The following WDR38 variants were observed in gnomAD, a reference collection of about 807,000 sequenced individuals.
WDR38 encodes the protein WD repeat-containing protein 38.
In WDR38, 37 loss-of-function variants were observed where a neutral mutation model predicts 36.6. That is an observed-to-expected ratio of 1.01 (90% CI 0.78 to 1.33). The LOEUF is 1.33. WDR38 is among the 40% of genes most tolerant of loss of function. The pLI, the probability that WDR38 is intolerant of heterozygous loss-of-function variation, is 0.00. For missense variants in WDR38, 411 were observed against 414.6 expected (o/e 0.99, Z 0.07); for synonymous variants, 164 against 168.1 (o/e 0.98, Z 0.19).
At position 124,857,549 on chromosome 9, in the gene WDR38, A is replaced by T; in HGVS notation, c.864A>T (p.Lys288Asn). 6.2e-7 allele frequency: 1 copy of T among 1,614,124 alleles called. No homozygotes were observed. The highest frequency in any genetic ancestry group is 8.5e-7 in the Non-Finnish European group (1 of 1,180,022). ...AHTCAFTPDG[K>N]ILVSGAADQT... is the part of the protein sequence containing the mutation. ...CCTGTGCCTTCACCCCAGATGGGAA[A>T]ATCTTAGTGTCTGGAGCTGCCGATC... Residue 288 changes from lysine (K) to asparagine (N), a missense_variant, in exon 9 of 9, where the codon AAA (lysine) becomes AAT (asparagine). Coordinates refer to ENST00000373574, the MANE Select transcript of WDR38 (RefSeq NM_001045476.3).
intron 1 of WDR38, among the ~76,000 whole-genome samples, chr9:124,853,871 ACT>A (rs1828974166): frequency 6.6e-6 from 1 of 151,816 alleles, no homozygotes; most frequent in Admixed American, 6.6e-5. Context: ...CTCCCTGCTG[ACT>A]CTGGTGTTTT....
rs769094587 is a variant in WDR38, at chr9:124,857,571, G to A, written c.886G>A (p.Asp296Asn). 8.7e-6 allele frequency: 14 copies of A among 1,614,130 alleles called. No individual in the cohort carries two copies. The highest frequency in any genetic ancestry group is 1.1e-5 in the Non-Finnish European group (13 of 1,180,036). The change falls in exon 9 of 9, where the codon GAT (aspartate) becomes AAT (asparagine). Residue 296 changes from aspartate to asparagine, a missense_variant. Physicochemically the swap from Asp to Asn is conservative, Grantham distance 23. Transcript: ENST00000373574. Reference protein sequence around the residue: ...DGKILVSGAADQTRRQISRTS... With the variant: ...DGKILVSGAANQTRRQISRTS... ...GAAAATCTTAGTGTCTGGAGCTGCC[G>A]ATCAGACTAGACGTCAAATATCCCG...
At chr9:124,857,316 C>T (rs377603757) in intron 7 of WDR38, 48 bp from the exon 8 acceptor site, 3 of 1,607,240 alleles carry the variant, frequency 1.9e-6, no homozygotes, top group Non-Finnish European at 2.5e-6. Context: ...GCTTCAGATG[C>T]CACAGTGGCC....
intron 4 of WDR38, 132 bp downstream of exon 4, chr9:124,856,090 G>A: frequency 2.0e-6 from 3 of 1,517,928 alleles, no homozygotes; most frequent in Non-Finnish European, 2.7e-6. Flanking sequence ...GGCAACCAAG[G>A]CTGCCCCCAC....
rs759997099 is a variant in WDR38, at chr9:124,855,894, G to C, written c.341G>C (p.Ser114Thr). 6.2e-7 allele frequency: 1 copy of C among 1,614,146 alleles called. No homozygotes were observed. The highest frequency in any genetic ancestry group is 2.2e-5 in the East Asian group (1 of 44,878). ...HQRSVETVSF[S>T]PDSRQLASGG... Reference sequence around the variant, plus strand: ...CGGAGTGTGGAGACGGTCAGCTTCAGCCCTGACTCGAGACAGCTGGCATCA... The same window carrying C: ...CGGAGTGTGGAGACGGTCAGCTTCACCCCTGACTCGAGACAGCTGGCATCA... Residue 114 changes from serine (S) to threonine (T), a missense_variant, in exon 4 of 9, where the codon AGC becomes ACC. Physicochemically the swap from Ser to Thr is moderately conservative, Grantham distance 58. Coordinates refer to ENST00000373574, the MANE Select transcript of WDR38 (RefSeq NM_001045476.3).
chr9:124,857,222 G>A (rs1829100394), intron 7 of WDR38, 142 bp from the exon 8 acceptor site: 3 of 1,114,660 alleles, frequency 2.7e-6, no homozygotes, highest in Non-Finnish European at 2.7e-6. Context: ...AGCACTTTGG[G>A]AGGTGGAGGT....
In WDR38 at chr9:124,856,333, TCTG is replaced by T. The variant is rs1829064579; in HGVS notation, c.486+15_486+17del. ...GGTGAACTGCCTGGTGAGCCTACCCTCTGCCCTGGGCCCCACCTCAGTGGCCCC... is the reference window on the plus strand; with the variant it reads ...GGTGAACTGCCTGGTGAGCCTACCCTCCCTGGGCCCCACCTCAGTGGCCCC... On this transcript the variant is annotated intron_variant, in intron 5 of 8. Transcript: ENST00000373574. The T allele has an allele frequency of 6.2e-7, 1 of 1,613,970 alleles. No individual in the cohort carries two copies. The highest frequency in any genetic ancestry group is 1.1e-5 in the South Asian group (1 of 91,088).
chr9:124,856,675 G>A (rs1439003367), intron 6 of WDR38, 57 bp from the exon 7 acceptor site: 10 of 1,613,008 alleles, frequency 6.2e-6, no homozygotes, highest in Non-Finnish European at 8.5e-6. Flanking sequence ...GGCCACTTAG[G>A]GGCCCAGTGA....
At chr9:124,856,959 T>C in intron 7 of WDR38, 78 bp downstream of exon 7, 1 of 1,589,238 alleles carries the variant, frequency 6.3e-7, no homozygotes, top group Non-Finnish European at 8.6e-7. Flanking sequence ...ACTCCAGAAA[T>C]GCCCACATCC....
rs552958858 is a variant in WDR38, at chr9:124,856,159, C to T, written c.406-81C>T. On this transcript the variant is annotated intron_variant, in intron 4 of 8. Transcript: ENST00000373574. ...CACAGCAGCCCTCAGGCTTTTTGCA[C>T]GAGGTCCCCCTTTCCTGGACTGTCA... 6.2e-5 allele frequency: 99 copies of T among 1,589,490 alleles called. 1 individual carries two copies. The South Asian group carries it at 8.0e-4, about 13-fold the overall frequency.
chr9:124,855,575 A>G, intron 2 of WDR38, 59 bp from the exon 3 acceptor site: 1 of 1,529,884 alleles, frequency 6.5e-7, no homozygotes, highest in Non-Finnish European at 8.9e-7. Context: ...CAAGGATTGG[A>G]CTGCGTGGGC....
chr9:124,856,242 C>T lies in WDR38; in HGVS notation c.408C>T (p.Ser136=), dbSNP rs375694188. The stretch of plus-strand genomic sequence containing the variant: ...CTGCAGCTCAGGGCTCTCTCTAGTC[C>T]GGCCAGATGCTGCGCCTCTTAGTTG... The part of the protein sequence containing the change: ...DKRVMLWDVQ[S]GQMLRLLVGH... Residue 136 remains serine (S), a splice_region_variant and synonymous_variant, in exon 5 of 9, where the codon TCC becomes TCT. Coordinates refer to ENST00000373574, the MANE Select transcript of WDR38 (RefSeq NM_001045476.3). 10 of 1,614,048 alleles carry T rather than the reference C, an allele frequency of 6.2e-6. No individual in the cohort carries two copies. In the African/African-American group the frequency reaches 6.7e-5, roughly 11 times the overall value.
At chr9:124,856,379 A>C (rs1219765547) in intron 5 of WDR38, 59 bp downstream of exon 5, 2 of 1,613,104 alleles carry the variant, frequency 1.2e-6, no homozygotes, top group African/African-American at 2.7e-5. Context: ...CTTGGAGCTG[A>C]GTGGTGGGAA....
chr9:124,854,767 T>C (rs1314159362), intron 2 of WDR38, among the ~76,000 whole-genome samples: 2 of 152,166 alleles, frequency 1.3e-5, no homozygotes, highest in African/African-American at 4.8e-5. Flanking sequence ...GGTTTCACCA[T>C]CTTGGCCAGG....
chr9:124,857,563 G>A lies in WDR38; in HGVS notation c.878G>A (p.Gly293Glu). Residue 293 changes from glycine (G) to glutamate (E), a missense_variant, in exon 9 of 9, where the codon GGA becomes GAA. Gly to Glu is a moderately conservative substitution (Grantham distance 98). Coordinates refer to ENST00000373574, the MANE Select transcript of WDR38 (RefSeq NM_001045476.3). ...FTPDGKILVS[G>E]AADQTRRQIS... ...CCAGATGGGAAAATCTTAGTGTCTG[G>A]AGCTGCCGATCAGACTAGACGTCAA... The A allele has an allele frequency of 6.2e-7, 1 of 1,614,146 alleles. No individual in the cohort carries two copies. Among genetic ancestry groups the A allele is most frequent in the East Asian group, 2.2e-5 (1 of 44,884 alleles).
chr9:124,854,915 T>C (rs915781404), intron 2 of WDR38, among the ~76,000 whole-genome samples: 1 of 152,196 alleles, frequency 6.6e-6, no homozygotes, highest in Non-Finnish European at 1.5e-5. Flanking sequence ...ACCTTCACAT[T>C]GTCGTGACAC....
chr9:124,854,644 A>G (rs1354031120), intron 2 of WDR38, among the ~76,000 whole-genome samples: 3 of 152,128 alleles, frequency 2.0e-5, no homozygotes, highest in Non-Finnish European at 2.9e-5. Flanking sequence ...GGCTCACTGC[A>G]ACCCCCGCCT....
rs1829049216 is a variant in WDR38 at position 124,855,958 on chromosome 9, G to A, written c.405G>A (p.Gln135=). 6.2e-6 allele frequency: 10 copies of A among 1,614,020 alleles called. No individual in the cohort carries two copies. Among genetic ancestry groups the A allele is most frequent in the Non-Finnish European group, 8.5e-6 (10 of 1,179,890 alleles). The change falls in exon 4 of 9, where the codon CAG becomes CAA. Residue 135 remains glutamine, a splice_region_variant and synonymous_variant. Coordinates refer to ENST00000373574, the MANE Select transcript of WDR38 (RefSeq NM_001045476.3). The stretch of plus-strand genomic sequence containing the variant: ...AGCGGGTGATGCTCTGGGATGTGCA[G>A]GTACGTTGAGGGGCTGGGGCCACCA... ...WDKRVMLWDV[Q]SGQMLRLLVG...
rs200231016 is a variant in WDR38, at chr9:124,856,867, G to A, written c.754G>A (p.Gly252Ser). Reference protein sequence around the residue: ...SPDELWLASAGYSRMVKVWDC... With the variant: ...SPDELWLASASYSRMVKVWDC... The stretch of plus-strand genomic sequence containing the variant: ...CGACGAGCTGTGGCTGGCCAGCGCC[G>A]GCTATTCCCGCATGGTAACCACCCC... The change falls in exon 7 of 9, where the codon GGC becomes AGC. Residue 252 changes from glycine to serine, a missense_variant. Gly to Ser is a moderately conservative substitution (Grantham distance 56). Coordinates refer to ENST00000373574, the MANE Select transcript of WDR38 (RefSeq NM_001045476.3). 1.8e-5 allele frequency: 29 copies of A among 1,613,826 alleles called. No homozygotes were observed. The highest frequency in any genetic ancestry group is 3.3e-5 in the Admixed American group (2 of 59,992).
Sources: allele counts gnomAD v4.1 joint callset (sites outside exome capture counted in the v4.1 genomes callset), GRCh38; gene constraint gnomAD v4.1.1; transcripts MANE v1.5; gene names NCBI Gene and HGNC (gene_info 2026-07-23, HGNC 2026-07-21).